Variants in B9D1 observed in about 807,000 individuals in gnomAD.
The protein encoded by B9D1 is B9 domain-containing protein 1.
In B9D1, 20 loss-of-function variants were observed where a neutral mutation model predicts 26.1. The ratio of observed to expected loss-of-function variants is 0.77; its 90% confidence interval spans 0.54 to 1.12. B9D1 has a LOEUF of 1.12. Among genes scored for constraint, B9D1 ranks in the 50% most tolerant of loss-of-function variants. B9D1 has a pLI of 0.00. For missense variants in B9D1, 260 were observed against 273.7 expected (o/e 0.95, Z 0.35); for synonymous variants, 105 against 103.1 (o/e 1.02, Z -0.11).
At chr17:19,369,814 G>T (rs1228419024) in intron 1 of B9D1, among the ~76,000 whole-genome samples, 1 of 152,176 alleles carries the variant, frequency 6.6e-6, no homozygotes, top group East Asian at 1.9e-4. Context: ...GGAAGATGGA[G>T]ATTCACGATT....
chr17:19,375,343 C>T (rs1268801564), intron 1 of B9D1, among the ~76,000 whole-genome samples: 1 of 151,952 alleles, frequency 6.6e-6, no homozygotes, highest in African/African-American at 2.4e-5. Flanking sequence ...CAGACATTTC[C>T]CCAAAGGAGA....
intron 3 of B9D1, among the ~76,000 whole-genome samples, chr17:19,352,161 T>C (rs1909691296): frequency 1.3e-5 from 2 of 152,018 alleles, no homozygotes; most frequent in Non-Finnish European, 2.9e-5. Flanking sequence ...GTTGGGATTA[T>C]AGGTGTGAGT....
chr17:19,337,996 T>G (rs1907592833), downstream of B9D1, among the ~76,000 whole-genome samples: 2 of 152,224 alleles, frequency 1.3e-5, no homozygotes, highest in African/African-American at 2.4e-5. Flanking sequence ...TATTTCAGTC[T>G]TCTTCTCAAA....
chr17:19,339,996 C>T (rs1428060724), downstream of B9D1, among the ~76,000 whole-genome samples: 1 of 150,238 alleles, frequency 6.7e-6, no homozygotes, highest in Non-Finnish European at 1.5e-5. Context: ...AGGCCGTATG[C>T]CTCGACTGTC....
chr17:19,337,367 A>G (rs370510274), downstream of B9D1, among the ~76,000 whole-genome samples: 1 of 152,202 alleles, frequency 6.6e-6, no homozygotes, highest in African/African-American at 2.4e-5. Flanking sequence ...GGGAAGAGGC[A>G]AGGCCGAGGC....
downstream of B9D1, chr17:19,341,464 G>C (rs557276606): frequency 1.3e-4 from 64 of 498,886 alleles, no homozygotes; most frequent in Non-Finnish European, 1.7e-4. Flanking sequence ...GGAGGGAGAA[G>C]GGGAGAAGAA....
intron 5 of B9D1, 63 bp from the exon 6 acceptor site, chr17:19,343,920 C>T (rs1908337616): frequency 2.5e-6 from 4 of 1,609,228 alleles, no homozygotes; most frequent in Non-Finnish European, 3.4e-6. Context: ...TCTTGGACGA[C>T]ACTGGATGTG....
chr17:19,348,112 C>T (rs1186746109), intron 3 of B9D1, among the ~76,000 whole-genome samples: 5 of 152,126 alleles, frequency 3.3e-5, no homozygotes, highest in Admixed American at 2.0e-4. Flanking sequence ...ATTCCACACC[C>T]CTTCTCACCG....
chr17:19,344,607 C>T (rs1273299796), intron 5 of B9D1: 2 of 208,860 alleles, frequency 9.6e-6, no homozygotes, highest in South Asian at 4.8e-5. Context: ...CTCGCGGCCG[C>T]GCCTCCTCTG....
At chr17:19,360,897 T>G (rs920897550) in intron 1 of B9D1, among the ~76,000 whole-genome samples, 5 of 152,158 alleles carry the variant, frequency 3.3e-5, no homozygotes, top group Non-Finnish European at 7.4e-5. Flanking sequence ...GTCCGTGGCC[T>G]GTTAGGAACG....
downstream of B9D1, chr17:19,335,056 A>G (rs1598031094): frequency 5.7e-6 from 1 of 176,096 alleles, no homozygotes. Flanking sequence ...ACTCTAAGAA[A>G]ATTTTAAAAG....
At chr17:19,335,306 C>A (rs1907354019), downstream of B9D1, 1 of 1,262,924 alleles carries the variant, frequency 7.9e-7, no homozygotes, top group Non-Finnish European at 1.1e-6. Context: ...GGCTATTTTT[C>A]TTACGAATAT....
intron 3 of B9D1, among the ~76,000 whole-genome samples, chr17:19,355,384 C>G (rs1403764366): frequency 6.6e-6 from 1 of 152,066 alleles, no homozygotes; most frequent in Non-Finnish European, 1.5e-5. Flanking sequence ...AAAAAATTAG[C>G]CGGACATGGT....
At position 19,359,708 on chromosome 17, in the gene B9D1, C is replaced by T. The variant is rs1214178913; in HGVS notation, c.132+612G>A. On this transcript the variant is annotated intron_variant, in intron 2 of 6. Transcript: ENST00000261499. This position sits in a 1 kb window ranked among gnomAD's most constrained non-coding sequence, Gnocchi z 5.0. ...GCTTTGCTCACCCCTGCATCCCCAG[C>T]ACCCAGAAGACAATCAATAAAGGGA... Among the ~76,000 whole-genome samples the T allele has an allele frequency of 6.6e-6, 1 of 152,208 alleles. No homozygotes were observed. The highest frequency in any genetic ancestry group is 1.5e-5 in the Non-Finnish European group (1 of 68,036).
chr17:19,348,860 T>C lies in B9D1; in HGVS notation c.245-980A>G, dbSNP rs188188157. 3.9e-5 allele frequency among the ~76,000 whole-genome samples: 6 copies of C among 152,348 alleles called. No homozygotes were observed. The East Asian group carries it at 1.2e-3, about 29-fold the overall frequency. On this transcript the variant is annotated intron_variant, in intron 3 of 6. Transcript: ENST00000261499. ...GGTTTCCTGTAAAGGGGCGTGTTCA[T>C]GTTCAATACCATATAACATTCTGCG... is the stretch of plus-strand genomic sequence containing the variant.
chr17:19,347,693 G>C lies in B9D1; in HGVS notation c.341+91C>G. ...TGCCCAGGCCCCTGGAGACCCCAGAGCATTCCCAGCCTGAACCTAAGACAG... is the reference window on the plus strand; with the variant it reads ...TGCCCAGGCCCCTGGAGACCCCAGACCATTCCCAGCCTGAACCTAAGACAG... On this transcript the variant is annotated intron_variant, in intron 4 of 6. Coordinates refer to ENST00000261499, the MANE Select transcript of B9D1 (RefSeq NM_015681.6). This position sits in a 1 kb window ranked among gnomAD's most constrained non-coding sequence, Gnocchi z 4.3. 1 of 1,306,326 alleles carries C rather than the reference G, an allele frequency of 7.7e-7. No homozygotes were observed. The highest frequency in any genetic ancestry group is 1.9e-5 in the Admixed American group (1 of 51,600). The allele number at this position is 1,306,326 out of a possible 1,614,324, so 80.9% of individuals were successfully genotyped here. A position where few individuals can be genotyped will look rare whatever the true frequency, so the allele number is the denominator to read the frequency against.
chr17:19,368,696 G>A (rs553048949), intron 1 of B9D1, among the ~76,000 whole-genome samples: 2 of 152,260 alleles, frequency 1.3e-5, no homozygotes, highest in South Asian at 4.1e-4. Flanking sequence ...TATGATCCTA[G>A]CACTTTGGGA....
chr17:19,343,138 G>A (rs1752690479), downstream of B9D1: 1 of 1,434,664 alleles, frequency 7.0e-7, no homozygotes, highest in Non-Finnish European at 9.1e-7. Context: ...TGTGGGGGAG[G>A]GGCTAAACAG....
downstream of B9D1, chr17:19,337,506 GATAAGCAGA>G: frequency 1.9e-6 from 1 of 533,570 alleles, no homozygotes; most frequent in Non-Finnish European, 3.4e-6. Context: ...TCCACCCAAG[GATAAGCAGA>G]CAAGCTTGAC....
Sources: allele counts gnomAD v4.1 joint callset (sites outside exome capture counted in the v4.1 genomes callset), GRCh38; gene constraint gnomAD v4.1.1; non-coding constraint Gnocchi (gnomAD v3.1); transcripts MANE v1.5; gene names NCBI Gene and HGNC (gene_info 2026-07-23, HGNC 2026-07-21).